SMARCA4: variants seen among roughly 807,000 people sequenced by gnomAD.
SMARCA4 encodes the protein SWI/SNF-related matrix-associated actin-dependent regulator of chromatin subfamily A member 4.
SMARCA4 carries 31 observed loss-of-function variants against 193.9 expected under a neutral mutation model. The observed-to-expected ratio is 0.16, with a 90% CI of 0.12 to 0.22. The LOEUF is 0.22. SMARCA4 is among the 10% of genes least tolerant of loss of function. SMARCA4 has a pLI of 1.00. For missense variants in SMARCA4, 1,148 were observed against 2,296.0 expected, an observed-to-expected ratio of 0.50 and a Z score of 10.22; for synonymous variants, 942 against 933.1, an observed-to-expected ratio of 1.01 and a Z score of -0.17.
Position 11,058,943 on chromosome 19 carries a change from C to T in SMARCA4, c.4635+54C>T. On this transcript the variant is annotated intron_variant, in intron 32 of 34. Coordinates refer to ENST00000344626, the MANE Select transcript of SMARCA4 (RefSeq NM_003072.5). This position sits in a 1 kb window ranked among gnomAD's most constrained non-coding sequence, Gnocchi z 5.8. The stretch of plus-strand genomic sequence containing the variant: ...GGCCACTCCCACAGCTGGGCTTTGA[C>T]CCAACCCGCCCCTCCTTCCCTTCTG... 4 of 1,327,090 alleles carry T rather than the reference C, an allele frequency of 3.0e-6. No homozygotes were observed. The highest frequency in any genetic ancestry group is 4.3e-6 in the Non-Finnish European group (4 of 924,348). The allele number at this position is 1,327,090 out of a possible 1,614,324, so 82.2% of individuals were successfully genotyped here. A position where few individuals can be genotyped will look rare whatever the true frequency, so the allele number is the denominator to read the frequency against.
chr19:10,975,363 G>A (rs902251715), intron 1 of SMARCA4, among the ~76,000 whole-genome samples: 2 of 147,908 alleles, frequency 1.4e-5, no homozygotes, highest in African/African-American at 5.0e-5. Flanking sequence ...CCAGGCTGGA[G>A]TGCAGTGGCG....
At chr19:10,963,569 A>G (rs1042550507) in intron 1 of SMARCA4, among the ~76,000 whole-genome samples, 1 of 151,934 alleles carries the variant, frequency 6.6e-6, no homozygotes, top group African/African-American at 2.4e-5. Context: ...TCATTCTGGA[A>G]TCAGACCTCC....
chr19:10,982,036 A>AC (rs1291383473), intron 1 of SMARCA4, among the ~76,000 whole-genome samples: 1 of 151,800 alleles, frequency 6.6e-6, no homozygotes, highest in African/African-American at 2.4e-5. Context: ...CCGCTAGATC[A>AC]CCTAATACAA....
chr19:11,022,394 GTTCTGTCTT>G (rs1568488051), intron 19 of SMARCA4, among the ~76,000 whole-genome samples: 1 of 152,180 alleles, frequency 6.6e-6, no homozygotes, highest in African/African-American at 2.4e-5. Context: ...ACATGGTCAG[GTTCTGTCTT>G]ACGTTGTTTT....
chr19:11,043,243 C>G (rs187799195), intron 30 of SMARCA4, among the ~76,000 whole-genome samples: 1 of 151,990 alleles, frequency 6.6e-6, no homozygotes, highest in Admixed American at 6.5e-5. Flanking sequence ...GACCCAAGAT[C>G]ACATCAGTGC....
rs34389675 is a variant in SMARCA4, at chr19:11,058,823, C to A, written c.4569C>A (p.Asn1523Lys). ...RIRNHKYRSL[N>K]DLEKDVMLLC... The stretch of plus-strand genomic sequence containing the variant: ...GCAACCACAAGTACCGCAGCCTCAA[C>A]GACCTAGAGAAGGACGTCATGCTCC... Residue 1523 changes from asparagine (N) to lysine (K), a missense_variant, in exon 32 of 35, where the codon AAC (asparagine) becomes AAA (lysine). Physicochemically the swap from Asn to Lys is moderately conservative, Grantham distance 94. Around this residue, in one of 17 missense-constraint regions of SMARCA4, gnomAD observed 141 missense variants for 193.0 expected, o/e 0.73. Transcript: ENST00000344626. This position sits in a 1 kb window ranked among gnomAD's most constrained non-coding sequence, Gnocchi z 5.8. The A allele has an allele frequency of 6.2e-7, 1 of 1,614,020 alleles. No individual in the cohort carries two copies. Among genetic ancestry groups the A allele is most frequent in the African/African-American group, 1.3e-5 (1 of 74,922 alleles).
chr19:10,992,854 G>A (rs948763894), intron 8 of SMARCA4, among the ~76,000 whole-genome samples: 10 of 151,950 alleles, frequency 6.6e-5, no homozygotes, highest in African/African-American at 2.4e-4. Context: ...GCTTCCCAAA[G>A]TGCTGGGATT....
chr19:10,982,695 A>G lies in SMARCA4; in HGVS notation c.-31-1426A>G, dbSNP rs576781703. On this transcript the variant is annotated intron_variant, in intron 1 of 34. Transcript: ENST00000344626. ...TTTTTTTTGTATTTTTAGTAGAGAC[A>G]GGGTTTCACCATGTTACCCAGGATG... Among the ~76,000 whole-genome samples, 578 of 151,858 alleles carry G rather than the reference A, an allele frequency of 3.8e-3. 3 individuals are homozygous for G. The highest frequency in any genetic ancestry group is 0.014 in the Middle Eastern group (4 of 294).
At chr19:10,979,039 A>G (rs574500150) in intron 1 of SMARCA4, among the ~76,000 whole-genome samples, 67 of 152,312 alleles carry the variant, frequency 4.4e-4, no homozygotes, top group Middle Eastern at 6.8e-3. Flanking sequence ...AGGGACATGC[A>G]AATGAAGACC....
chr19:11,022,044 A>G (rs2089912672), intron 19 of SMARCA4, 77 bp downstream of exon 19: 2 of 1,599,452 alleles, frequency 1.3e-6, no homozygotes, highest in Admixed American at 1.7e-5. Context: ...GTTGAGCACC[A>G]GCTACAGCTG....
At position 11,058,912 on chromosome 19, in the gene SMARCA4, G is replaced by A. The variant is rs1450530184; in HGVS notation, c.4635+23G>A. On this transcript the variant is annotated intron_variant, in intron 32 of 34. Coordinates refer to ENST00000344626, the MANE Select transcript of SMARCA4 (RefSeq NM_003072.5). The surrounding 1 kb of genome is among the most constrained non-coding windows in gnomAD (Gnocchi z 5.8). The stretch of plus-strand genomic sequence containing the variant: ...CTGGTGAGGGCACCGCTGGGGGTTG[G>A]GGATGGGCCACTCCCACAGCTGGGC... 1 of 1,580,832 alleles carries A rather than the reference G, an allele frequency of 6.3e-7. No homozygotes were observed. The highest frequency in any genetic ancestry group is 1.7e-5 in the Admixed American group (1 of 59,934).
chr19:11,039,773 AC>A (rs1472932225), intron 29 of SMARCA4: 13 of 354,492 alleles, frequency 3.7e-5, no homozygotes, highest in Admixed American at 9.4e-5. Context: ...ATGTAGCAAG[AC>A]CACATGTCTA....
rs76118382 is a variant in SMARCA4, at chr19:11,061,817, G to T, written c.*1G>T. 612 of 1,614,008 alleles carry T rather than the reference G, an allele frequency of 3.8e-4. 7 individuals carry two copies. The African/African-American group carries it at 7.5e-3, about 20-fold the overall frequency. On this transcript the variant is annotated 3_prime_UTR_variant, in exon 35 of 35. Transcript: ENST00000344626. ...AGGAAGTGGCAGCGAAGAAGACTGAGCCCCGACATTCCAGTCTCGACCCCG... is the reference window on the plus strand; with the variant it reads ...AGGAAGTGGCAGCGAAGAAGACTGATCCCCGACATTCCAGTCTCGACCCCG...
rs764130614 is a variant in SMARCA4, at chr19:11,041,079, G to A, written c.4171-228G>A. The A allele has an allele frequency of 3.7e-5, 20 of 542,220 alleles. No individual in the cohort carries two copies. Among genetic ancestry groups the A allele is most frequent in the Admixed American group, 6.8e-5 (2 of 29,232 alleles). 33.6% of individuals were successfully genotyped at this position (542,220 alleles called of 1,614,324 possible). On this transcript the variant is annotated intron_variant, in intron 29 of 34. Coordinates refer to ENST00000344626, the MANE Select transcript of SMARCA4 (RefSeq NM_003072.5). The surrounding 1 kb of genome is among the most constrained non-coding windows in gnomAD (Gnocchi z 5.6). The stretch of plus-strand genomic sequence containing the variant: ...GAAATTCAACCATTAGTTTTTTAAA[G>A]ACAAGCTTGGGTGGGGTGCCTGCTG...
rs1375711920 is a variant in SMARCA4 at position 11,008,260 on chromosome 19, G to A, written c.2123+237G>A. Reference sequence around the variant, plus strand: ...GCTTACGAGGTACAGTCAGGTGTGCGGGAGAAGCCCTCCTCACCCCGTTCT... The same window carrying A: ...GCTTACGAGGTACAGTCAGGTGTGCAGGAGAAGCCCTCCTCACCCCGTTCT... On this transcript the variant is annotated intron_variant, in intron 14 of 34. Coordinates refer to ENST00000344626, the MANE Select transcript of SMARCA4 (RefSeq NM_003072.5). 1.1e-5 allele frequency: 5 copies of A among 461,546 alleles called. No individual in the cohort carries two copies. In the East Asian group the frequency reaches 1.4e-4, roughly 13 times the overall value. 28.6% of individuals were successfully genotyped at this position (461,546 alleles called of 1,614,324 possible).
chr19:11,029,830 C>T (rs769351585), intron 24 of SMARCA4, among the ~76,000 whole-genome samples: 134 of 152,264 alleles, frequency 8.8e-4, no homozygotes, highest in Non-Finnish European at 1.7e-3. Flanking sequence ...CCCGCCACTA[C>T]GCCCAGCTAA....
chr19:11,010,161 A>G (rs2088681686), intron 14 of SMARCA4, among the ~76,000 whole-genome samples: 1 of 152,182 alleles, frequency 6.6e-6, no homozygotes, highest in South Asian at 2.1e-4. Context: ...TGGTGCAATC[A>G]GGACCCAGAG....
At chr19:11,021,223 G>T in intron 18 of SMARCA4, 1 of 243,194 alleles carries the variant, frequency 4.1e-6, no homozygotes, top group Non-Finnish European at 8.3e-6. Context: ...CGGCCACTGC[G>T]CCCCCTCCCG....
In SMARCA4 at chr19:11,039,518, C is replaced by T. The variant is rs2075455200; in HGVS notation, c.4171-1789C>T. On this transcript the variant is annotated intron_variant, in intron 29 of 34. Coordinates refer to ENST00000344626, the MANE Select transcript of SMARCA4 (RefSeq NM_003072.5). ...CAGTGTGGCACGTGGGCTACAATTC[C>T]AGCGTGGCCTTCAGTTCTGCACACG... 1 of 1,601,922 alleles carries T rather than the reference C, an allele frequency of 6.2e-7. No homozygotes were observed. The highest frequency in any genetic ancestry group is 1.1e-5 in the South Asian group (1 of 88,378).
Sources: gnomAD v4.1 joint callset for allele counts (sites outside exome capture counted in the v4.1 genomes callset) on GRCh38, gnomAD v4.1.1 for gene constraint, gnomAD v4.1.1 regional missense constraint, Gnocchi (gnomAD v3.1) non-coding constraint, MANE v1.5 for transcripts, NCBI Gene and HGNC (gene_info 2026-07-23, HGNC 2026-07-21) for gene names.